DDX10: variants seen among roughly 807,000 people sequenced by gnomAD.
DDX10 encodes probable ATP-dependent RNA helicase DDX10.
In DDX10, 74 loss-of-function variants were observed where a neutral mutation model predicts 104.3. The observed-to-expected ratio is 0.71, with a 90% confidence interval of 0.59 to 0.86. DDX10 has a LOEUF of 0.86. Ranked by LOEUF, DDX10 falls within the 40% of genes least tolerant of loss-of-function variation. The probability of loss-of-function intolerance (pLI) is 0.00; values close to 1 mark genes in which losing one functional copy is unlikely to be tolerated. For missense variants in DDX10, 952 were observed against 1,040.0 expected (o/e 0.92, Z 1.16); for synonymous variants, 351 against 353.4 (o/e 0.99, Z 0.08).
intron 16 of DDX10, among the ~76,000 whole-genome samples, chr11:108,886,017 G>A (rs1016205792): frequency 1.3e-5 from 2 of 152,184 alleles, no homozygotes; most frequent in African/African-American, 4.8e-5. Context: ...CATGTCAAGG[G>A]AAGAAGGCAA....
intron 13 of DDX10, among the ~76,000 whole-genome samples, chr11:108,789,121 G>C (rs1411128522): frequency 6.6e-6 from 1 of 152,320 alleles, no homozygotes; most frequent in East Asian, 1.9e-4. Flanking sequence ...GAGACCAAAG[G>C]AAGTTCTAAA....
At chr11:108,921,313 T>A (rs1376636509) in intron 17 of DDX10, 1 of 152,240 alleles carries the variant, frequency 6.6e-6, no homozygotes, top group African/African-American at 2.4e-5. Context: ...TTGACAGTGG[T>A]AATTGCTGTT....
chr11:108,778,376 T>C (rs1281804002), intron 13 of DDX10, among the ~76,000 whole-genome samples: 6 of 152,106 alleles, frequency 3.9e-5, no homozygotes, highest in Non-Finnish European at 5.9e-5. Flanking sequence ...ACAGAGCCCT[T>C]GGAAATAATA....
chr11:108,888,837 T>C (rs1863337524), intron 16 of DDX10, among the ~76,000 whole-genome samples: 1 of 152,100 alleles, frequency 6.6e-6, no homozygotes, highest in Non-Finnish European at 1.5e-5. Flanking sequence ...CTGGTGTTCA[T>C]CTCCATGGTT....
intron 10 of DDX10, among the ~76,000 whole-genome samples, chr11:108,710,292 T>C (rs913158314): frequency 2.0e-5 from 3 of 152,164 alleles, no homozygotes; most frequent in Non-Finnish European, 4.4e-5. Context: ...AACCTTAGCT[T>C]GCTGTAACTT....
At chr11:108,805,296 C>G (rs766964143) in intron 13 of DDX10, among the ~76,000 whole-genome samples, 1 of 152,218 alleles carries the variant, frequency 6.6e-6, no homozygotes. Context: ...TGAGGCAGAA[C>G]CACATATGTT....
intron 13 of DDX10, among the ~76,000 whole-genome samples, chr11:108,827,528 AAACAT>A (rs1357094914): frequency 2.0e-5 from 3 of 152,224 alleles, no homozygotes; most frequent in African/African-American, 7.2e-5. Flanking sequence ...TTAAACCTTT[AAACAT>A]AAGATTGGTA....
intron 16 of DDX10, among the ~76,000 whole-genome samples, chr11:108,878,012 TC>T (rs1302801173): frequency 9.2e-5 from 14 of 152,204 alleles, no homozygotes; most frequent in African/African-American, 3.4e-4. Flanking sequence ...CCTCCCTCCT[TC>T]CTTTTCTTTC....
intron 11 of DDX10, among the ~76,000 whole-genome samples, chr11:108,716,976 T>C (rs1466528040): frequency 6.6e-6 from 1 of 152,160 alleles, no homozygotes; most frequent in Admixed American, 6.5e-5. Flanking sequence ...CGGTAAAAGA[T>C]GTGAAATTAT....
chr11:108,719,766 A>G (rs1266704623), intron 11 of DDX10, 31 bp from the exon 12 acceptor site: 13 of 1,336,736 alleles, frequency 9.7e-6, no homozygotes, highest in African/African-American at 8.8e-5. Context: ...AATTTCTATT[A>G]TATTGTACTT....
At chr11:108,917,201 A>G (rs1722996041) in intron 16 of DDX10, among the ~76,000 whole-genome samples, 1 of 150,572 alleles carries the variant, frequency 6.6e-6, no homozygotes, top group Admixed American at 6.7e-5. Flanking sequence ...AGTAGCTAGG[A>G]CTACAGACAC....
chr11:108,787,885 G>A (rs1186104885), intron 13 of DDX10, among the ~76,000 whole-genome samples: 2 of 152,106 alleles, frequency 1.3e-5, no homozygotes, highest in Non-Finnish European at 2.9e-5. Flanking sequence ...AGCGGAGATC[G>A]TGCCATTGCA....
intron 13 of DDX10, among the ~76,000 whole-genome samples, chr11:108,760,153 G>A (rs1339534561): frequency 6.6e-6 from 1 of 150,908 alleles, no homozygotes; most frequent in Non-Finnish European, 1.5e-5. Flanking sequence ...TCTGTATGGT[G>A]TACGTGGGTT....
chr11:108,694,388 G>A (rs1170131856), intron 9 of DDX10, among the ~76,000 whole-genome samples: 1 of 152,152 alleles, frequency 6.6e-6, no homozygotes, highest in Non-Finnish European at 1.5e-5. Context: ...TCTAGATCTT[G>A]TGCTCTTACC....
chr11:108,785,740 A>T (rs559707086), intron 13 of DDX10, among the ~76,000 whole-genome samples: 1 of 152,110 alleles, frequency 6.6e-6, no homozygotes. Context: ...AATCGTCTCC[A>T]ATCTTTTATA....
intron 13 of DDX10, among the ~76,000 whole-genome samples, chr11:108,782,882 C>G (rs1827370282): frequency 6.6e-6 from 1 of 152,148 alleles, no homozygotes. Context: ...TTAGGCTTGA[C>G]AGGTTAACTT....
At chr11:108,819,564 A>G (rs1591826748) in intron 13 of DDX10, among the ~76,000 whole-genome samples, 1 of 152,246 alleles carries the variant, frequency 6.6e-6, no homozygotes, top group South Asian at 2.1e-4. Context: ...TTTTCTGTCA[A>G]AGGGTTTGTT....
chr11:108,723,800 T>C (rs905707226), intron 13 of DDX10, among the ~76,000 whole-genome samples: 2 of 152,196 alleles, frequency 1.3e-5, no homozygotes, highest in African/African-American at 4.8e-5. Context: ...GTTAAAATTC[T>C]TAAGATACTG....
intron 13 of DDX10, among the ~76,000 whole-genome samples, chr11:108,811,048 C>T (rs931702055): frequency 3.9e-5 from 6 of 152,128 alleles, no homozygotes; most frequent in Non-Finnish European, 7.4e-5. Flanking sequence ...GTTTACCTTC[C>T]TTAGTGATCC....
Sources: gnomAD v4.1 joint callset for allele counts (sites outside exome capture counted in the v4.1 genomes callset) on GRCh38, gnomAD v4.1.1 for gene constraint, MANE v1.5 for transcripts, NCBI Gene and HGNC (gene_info 2026-07-23, HGNC 2026-07-21) for gene names.